The following TRAPPC9 variants were observed in gnomAD, a reference collection of about 807,000 sequenced individuals.
TRAPPC9 encodes the protein IKK2 binding protein.
A neutral mutation model predicts 124.0 loss-of-function variants in TRAPPC9; 83 were observed. The observed-to-expected ratio is 0.67, with a 90% CI of 0.56 to 0.80. The LOEUF (loss-of-function observed/expected upper bound fraction) is 0.80, where lower values mean the gene tolerates loss of function less well. Among genes scored for constraint, TRAPPC9 ranks in the 30% least tolerant of loss-of-function variants. TRAPPC9 has a pLI of 0.00. For synonymous variants in TRAPPC9, 638 were observed against 617.5 expected, an observed-to-expected ratio of 1.03 and a Z score of -0.49; for missense variants, 1,302 against 1,508.3, an observed-to-expected ratio of 0.86 and a Z score of 2.27.
intron 9 of TRAPPC9, among the ~76,000 whole-genome samples, chr8:140,358,166 G>A (rs980102219): frequency 2.6e-5 from 4 of 152,198 alleles, no homozygotes; most frequent in Non-Finnish European, 4.4e-5. Context: ...GGTGCAGTGA[G>A]AAGATGGGCT....
At chr8:140,458,376 C>T (rs755131283), upstream of TRAPPC9, 22 of 1,597,670 alleles carry the variant, frequency 1.4e-5, no homozygotes, top group Non-Finnish European at 7.7e-6. Context: ...TGCGGCACCC[C>T]CTGTGACCCT....
intron 19 of TRAPPC9, among the ~76,000 whole-genome samples, chr8:139,978,569 G>A (rs898861730): frequency 1.3e-5 from 2 of 152,232 alleles, no homozygotes; most frequent in African/African-American, 4.8e-5. Context: ...TAACAGATGA[G>A]AAAAATCCAC....
rs767698306 is a variant in TRAPPC9 at position 140,360,058 on chromosome 8, G to A, written c.1487C>T (p.Ser496Leu). ...GGTTTGAGCTCACTCACCCTGATCC[G>A]ACAAGAAGTCCAGCATGGTCTGTAG... Reference protein sequence around the residue: ...FLLQTMLDFLSDQEKKDVAQS... With the variant: ...FLLQTMLDFLLDQEKKDVAQS... Residue 496 changes from serine (S) to leucine (L), a missense_variant, in exon 9 of 23, where the codon TCG becomes TTG. By Grantham distance (145) the Ser-to-Leu change is moderately radical. Coordinates refer to ENST00000438773, the MANE Select transcript of TRAPPC9 (RefSeq NM_001160372.4). The A allele has an allele frequency of 1.7e-5, 28 of 1,614,048 alleles. No homozygotes were observed. The highest frequency in any genetic ancestry group is 4.0e-5 in the African/African-American group (3 of 75,026).
intron 21 of TRAPPC9, among the ~76,000 whole-genome samples, chr8:139,755,262 T>A (rs535446297): frequency 1.3e-3 from 202 of 151,008 alleles, no homozygotes; most frequent in African/African-American, 4.9e-3. Context: ...CAGCCAGGGT[T>A]TGGGGATGAG....
intron 17 of TRAPPC9, among the ~76,000 whole-genome samples, chr8:140,178,338 A>C (rs945512307): frequency 6.6e-6 from 1 of 152,118 alleles, no homozygotes; most frequent in Admixed American, 6.5e-5. Flanking sequence ...GAGGCTCATT[A>C]TACATCTATT....
intron 5 of TRAPPC9, among the ~76,000 whole-genome samples, chr8:140,423,653 CAT>C (rs2070312051): frequency 8.6e-6 from 1 of 116,654 alleles, no homozygotes; most frequent in African/African-American, 3.0e-5. Context: ...AACACATATA[CAT>C]ACACACATAT....
rs1835418352 is a variant in TRAPPC9 at position 139,962,656 on chromosome 8, A to G, written c.2810+26070T>C. On this transcript the variant is annotated intron_variant, in intron 19 of 22. Transcript: ENST00000438773. ...ACTGCCATTCTCCCAGCCCCACTGG[A>G]AGCATGTGGCCACGGTGACCAGGAG... is the stretch of plus-strand genomic sequence containing the variant. 1.6e-5 allele frequency among the ~76,000 whole-genome samples: 2 copies of G among 124,554 alleles called. 1 individual carries two copies. The highest frequency in any genetic ancestry group is 3.8e-5 in the Non-Finnish European group (2 of 52,234). The allele number at this position is 124,554 out of a possible 152,430, so 81.7% of individuals were successfully genotyped here.
Position 140,283,892 on chromosome 8 carries a change from G to C in TRAPPC9, c.2111C>G (p.Pro704Arg). The C allele has an allele frequency of 1.2e-6, 2 of 1,613,968 alleles. No individual in the cohort carries two copies. The highest frequency in any genetic ancestry group is 4.5e-5 in the East Asian group (2 of 44,874). The change falls in exon 14 of 23, where the codon CCC (proline) becomes CGC (arginine). Residue 704 changes from proline (P) to arginine (R), a missense_variant. Pro to Arg is a moderately radical substitution (Grantham distance 103). Transcript: ENST00000438773. ...LPRLQISTSL[P>R]RSAHSLQPSS... ...CTGTGACCCTCGTGCACACTACCTGGGCAGAGAGGTGCTGATCTGCAGTCT... is the reference window on the plus strand; with the variant it reads ...CTGTGACCCTCGTGCACACTACCTGCGCAGAGAGGTGCTGATCTGCAGTCT...
rs937723695 is a variant in TRAPPC9, at chr8:139,776,463, C to T, written c.3056-44261G>A. Among the ~76,000 whole-genome samples the T allele has an allele frequency of 3.3e-5, 5 of 152,198 alleles. No homozygotes were observed. Among genetic ancestry groups the T allele is most frequent in the African/African-American group, 4.8e-5 (2 of 41,454 alleles). On this transcript the variant is annotated intron_variant, in intron 21 of 22. Coordinates refer to ENST00000438773, the MANE Select transcript of TRAPPC9 (RefSeq NM_001160372.4). The surrounding 1 kb of genome is among the most constrained non-coding windows in gnomAD (Gnocchi z 4.1). ...CACATGCTCATCACCCAGGGGTTAG[C>T]GTCGCTTGTTTACACAGGTGATGCA...
intron 21 of TRAPPC9, among the ~76,000 whole-genome samples, chr8:139,789,487 T>C (rs1822504390): frequency 6.6e-6 from 1 of 152,126 alleles, no homozygotes; most frequent in Non-Finnish European, 1.5e-5. Context: ...CCAGGATATC[T>C]ACATCTCAGA....
chr8:140,270,846 T>C (rs1198383838), intron 15 of TRAPPC9, among the ~76,000 whole-genome samples: 11 of 152,270 alleles, frequency 7.2e-5, no homozygotes, highest in South Asian at 6.2e-4. Flanking sequence ...GAGGTGGCCA[T>C]AGATGAAGCC....
At chr8:140,393,157 C>T (rs866078638) in intron 7 of TRAPPC9, among the ~76,000 whole-genome samples, 7 of 151,874 alleles carry the variant, frequency 4.6e-5, no homozygotes, top group African/African-American at 1.7e-4. Flanking sequence ...CTGCAACCTC[C>T]ACCTCCTGGG....
intron 19 of TRAPPC9, among the ~76,000 whole-genome samples, chr8:139,987,063 T>G (rs2131698444): frequency 6.6e-6 from 1 of 152,354 alleles, no homozygotes; most frequent in African/African-American, 2.4e-5. Context: ...ATCCTGTTCC[T>G]GAGAGTTGCA....
intron 7 of TRAPPC9, among the ~76,000 whole-genome samples, chr8:140,385,175 T>C (rs2068720101): frequency 6.6e-6 from 1 of 152,186 alleles, no homozygotes; most frequent in Non-Finnish European, 1.5e-5. Context: ...AAGCAGTGTG[T>C]AGAGGGAAAT....
intron 16 of TRAPPC9, among the ~76,000 whole-genome samples, chr8:140,232,801 AC>A (rs757794458): frequency 4.6e-5 from 7 of 152,208 alleles, no homozygotes; most frequent in Non-Finnish European, 1.0e-4. Context: ...CAATTAACAT[AC>A]GTTATTTTAG....
At chr8:139,977,572 C>G (rs1326214602) in intron 19 of TRAPPC9, among the ~76,000 whole-genome samples, 6 of 148,246 alleles carry the variant, frequency 4.0e-5, no homozygotes, top group African/African-American at 1.5e-4. Context: ...GAGCGGAGAT[C>G]GCGCCACTGC....
At chr8:140,207,462 C>G (rs186643849) in intron 17 of TRAPPC9, among the ~76,000 whole-genome samples, 177 of 152,318 alleles carry the variant, frequency 1.2e-3, no homozygotes, top group African/African-American at 4.0e-3. Flanking sequence ...TTCTCAATAG[C>G]AAATCTAACA....
chr8:140,156,635 C>A (rs918041860), intron 17 of TRAPPC9, among the ~76,000 whole-genome samples: 1 of 152,218 alleles, frequency 6.6e-6, no homozygotes, highest in Non-Finnish European at 1.5e-5. Context: ...GGAGCTCCAG[C>A]CCTGCTTCCT....
intron 17 of TRAPPC9, among the ~76,000 whole-genome samples, chr8:140,217,692 G>T (rs1370386225): frequency 6.6e-6 from 1 of 152,144 alleles, no homozygotes; most frequent in Non-Finnish European, 1.5e-5. Flanking sequence ...TCGTGAAAGG[G>T]CCCACACTAG....
Sources: allele counts gnomAD v4.1 joint callset (sites outside exome capture counted in the v4.1 genomes callset), GRCh38; gene constraint gnomAD v4.1.1; non-coding constraint Gnocchi (gnomAD v3.1); transcripts MANE v1.5; gene names NCBI Gene and HGNC (gene_info 2026-07-23, HGNC 2026-07-21).